PCDHGA10: variants seen among roughly 807,000 people sequenced by gnomAD.
PCDHGA10 encodes the protein protocadherin gamma subfamily A, 10.
A neutral mutation model predicts 59.5 loss-of-function variants in PCDHGA10; 42 were observed. That is an observed-to-expected ratio of 0.71 (90% CI 0.55 to 0.91). The LOEUF (loss-of-function observed/expected upper bound fraction) is 0.91, where lower values mean the gene tolerates loss of function less well. PCDHGA10 is among the 40% of genes least tolerant of loss of function. The pLI is 0.00. For missense variants in PCDHGA10, 1,111 were observed against 1,198.2 expected, an observed-to-expected ratio of 0.93 and a Z score of 1.07; for synonymous variants, 511 against 517.2, an observed-to-expected ratio of 0.99 and a Z score of 0.16.
At position 141,413,623 on chromosome 5, in the gene PCDHGA10, G is replaced by A. The variant is rs1454358985; in HGVS notation, c.448G>A (p.Val150Ile). 2 of 1,613,752 alleles carry A rather than the reference G, an allele frequency of 1.2e-6. No individual in the cohort carries two copies. The highest frequency in any genetic ancestry group is 1.3e-5 in the African/African-American group (1 of 74,916). The change falls in exon 1 of 4, where the codon GTC becomes ATC. Residue 150 changes from valine (V) to isoleucine (I), a missense_variant. Coordinates refer to ENST00000398610, the MANE Select transcript of PCDHGA10 (RefSeq NM_018913.3). Reference protein sequence around the residue: ...ENLDVKINENVAAGMRFPLPE... With the variant: ...ENLDVKINENIAAGMRFPLPE... Reference sequence around the variant, plus strand: ...TCTAGACGTAAAAATTAATGAAAATGTCGCTGCGGGAATGCGTTTTCCTCT... The same window carrying A: ...TCTAGACGTAAAAATTAATGAAAATATCGCTGCGGGAATGCGTTTTCCTCT...
Position 141,489,712 on chromosome 5 carries a change from C to T in PCDHGA10, c.2437-5095C>T. On this transcript the variant is annotated intron_variant, in intron 1 of 3. Coordinates refer to ENST00000398610, the MANE Select transcript of PCDHGA10 (RefSeq NM_018913.3). The surrounding 1 kb of genome is among the most constrained non-coding windows in gnomAD (Gnocchi z 4.5). The stretch of plus-strand genomic sequence containing the variant: ...GGCACGATTCCCACTGGACAGTGCC[C>T]AGGATCCGGATGTGGGCACCAATAC... The T allele has an allele frequency of 6.2e-7, 1 of 1,614,162 alleles. No individual in the cohort carries two copies. The highest frequency in any genetic ancestry group is 1.1e-5 in the South Asian group (1 of 91,078).
At chr5:141,469,044 A>C (rs1247890388) in intron 1 of PCDHGA10, among the ~76,000 whole-genome samples, 1 of 152,128 alleles carries the variant, frequency 6.6e-6, no homozygotes, top group East Asian at 1.9e-4. Context: ...TGGGAGGCCA[A>C]GGTGGGAGGA....
chr5:141,501,013 C>A (rs1456343329), intron 2 of PCDHGA10, among the ~76,000 whole-genome samples: 6 of 151,970 alleles, frequency 3.9e-5, no homozygotes, highest in Non-Finnish European at 8.8e-5. Flanking sequence ...GGACTACAGG[C>A]ACGCGCCACC....
chr5:141,447,966 A>C (rs2098556806), intron 1 of PCDHGA10, among the ~76,000 whole-genome samples: 1 of 151,922 alleles, frequency 6.6e-6, no homozygotes, highest in Non-Finnish European at 1.5e-5. Context: ...GACACCTATA[A>C]TCCCAGCTAC....
rs941528168 is a variant in PCDHGA10, at chr5:141,476,433, T to C, written c.2437-18374T>C. 2 of 1,614,094 alleles carry C rather than the reference T, an allele frequency of 1.2e-6. No individual in the cohort carries two copies. The highest frequency in any genetic ancestry group is 2.2e-5 in the East Asian group (1 of 44,856). ...TGTGGGACACTGCCCTCTTGCACTGTAACTCTGGAGTTGGTAGTGGAGAAC... is the reference window on the plus strand; with the variant it reads ...TGTGGGACACTGCCCTCTTGCACTGCAACTCTGGAGTTGGTAGTGGAGAAC... On this transcript the variant is annotated intron_variant, in intron 1 of 3. Coordinates refer to ENST00000398610, the MANE Select transcript of PCDHGA10 (RefSeq NM_018913.3). This position sits in a 1 kb window ranked among gnomAD's most constrained non-coding sequence, Gnocchi z 7.6.
At position 141,432,181 on chromosome 5, in the gene PCDHGA10, G is replaced by A. The variant is rs1443322706; in HGVS notation, c.2436+16570G>A. 3.7e-6 allele frequency: 6 copies of A among 1,614,116 alleles called. No homozygotes were observed. In the South Asian group the frequency reaches 6.6e-5, roughly 18 times the overall value. On this transcript the variant is annotated intron_variant, in intron 1 of 3. Coordinates refer to ENST00000398610, the MANE Select transcript of PCDHGA10 (RefSeq NM_018913.3). This position sits in a 1 kb window ranked among gnomAD's most constrained non-coding sequence, Gnocchi z 6.0. ...CCAGAGGAGTTTCCCTCGTCTCTGTGACCGCCCACGACCCCGACTGTGAAG... is the reference window on the plus strand; with the variant it reads ...CCAGAGGAGTTTCCCTCGTCTCTGTAACCGCCCACGACCCCGACTGTGAAG...
Position 141,493,858 on chromosome 5 carries a change from C to A in PCDHGA10, c.2437-949C>A, listed in dbSNP as rs2099750481. Among the ~76,000 whole-genome samples, 1 of 152,184 alleles carries A rather than the reference C, an allele frequency of 6.6e-6. No homozygotes were observed. The highest frequency in any genetic ancestry group is 1.5e-5 in the Non-Finnish European group (1 of 68,030). On this transcript the variant is annotated intron_variant, in intron 1 of 3. Transcript: ENST00000398610. The surrounding 1 kb of genome is among the most constrained non-coding windows in gnomAD (Gnocchi z 4.3). ...AGTATGAGTATTAATTACCAGCCCA[C>A]CCCAGAACCAGTGAGGAGGTGGCTC...
At chr5:141,503,743 G>C (rs1465272424) in intron 2 of PCDHGA10, among the ~76,000 whole-genome samples, 1 of 152,126 alleles carries the variant, frequency 6.6e-6, no homozygotes, top group Non-Finnish European at 1.5e-5. Context: ...TGATGGTATA[G>C]AGGTCACACA....
intron 1 of PCDHGA10, among the ~76,000 whole-genome samples, chr5:141,492,329 C>T (rs2099739386): frequency 1.3e-5 from 2 of 152,232 alleles, no homozygotes; most frequent in African/African-American, 4.8e-5. Context: ...CGTGGGCTTA[C>T]GCGAATACCA....
At chr5:141,481,647 A>C (rs749515062) in intron 1 of PCDHGA10, among the ~76,000 whole-genome samples, 28 of 151,830 alleles carry the variant, frequency 1.8e-4, no homozygotes, top group African/African-American at 6.5e-4. Context: ...GTGAAACTTC[A>C]TCTCTACTAA....
chr5:141,442,675 G>A (rs1381554808), intron 1 of PCDHGA10, among the ~76,000 whole-genome samples: 1 of 152,248 alleles, frequency 6.6e-6, no homozygotes, highest in Admixed American at 6.5e-5. Context: ...GTGAGCTTGA[G>A]GGACAGTAGT....
Position 141,489,242 on chromosome 5 carries a change from T to C in PCDHGA10, c.2437-5565T>C. ...TCTCCACAAAGGGACTTCTGGGTCA[T>C]GGGGCCCAAGACACTCCCACAGCTC... On this transcript the variant is annotated intron_variant, in intron 1 of 3. Transcript: ENST00000398610. This position sits in a 1 kb window ranked among gnomAD's most constrained non-coding sequence, Gnocchi z 4.5. 6.5e-7 allele frequency: 1 copy of C among 1,534,502 alleles called. No individual in the cohort carries two copies. The highest frequency in any genetic ancestry group is 8.8e-7 in the Non-Finnish European group (1 of 1,141,994).
Position 141,432,044 on chromosome 5 carries a change from A to T in PCDHGA10, c.2436+16433A>T. 6.2e-7 allele frequency: 1 copy of T among 1,613,886 alleles called. No individual in the cohort carries two copies. Among genetic ancestry groups the T allele is most frequent in the Non-Finnish European group, 8.5e-7 (1 of 1,179,922 alleles). ...CACAGTGACCGCCACTGACCGGGGA[A>T]CCCCGCCCCTATCCACGGAAACTCA... On this transcript the variant is annotated intron_variant, in intron 1 of 3. Coordinates refer to ENST00000398610, the MANE Select transcript of PCDHGA10 (RefSeq NM_018913.3). This position sits in a 1 kb window ranked among gnomAD's most constrained non-coding sequence, Gnocchi z 6.0.
Position 141,432,390 on chromosome 5 carries a change from G to A in PCDHGA10, c.2436+16779G>A. The A allele has an allele frequency of 6.2e-7, 1 of 1,614,256 alleles. No homozygotes were observed. The highest frequency in any genetic ancestry group is 8.5e-7 in the Non-Finnish European group (1 of 1,180,046). On this transcript the variant is annotated intron_variant, in intron 1 of 3. Transcript: ENST00000398610. This position sits in a 1 kb window ranked among gnomAD's most constrained non-coding sequence, Gnocchi z 6.0. ...GACAACGGGCACCCGCCCCTCAGCA[G>A]CAACGTGTCGTTGAGCCTGTTCGTG... is the stretch of plus-strand genomic sequence containing the variant.
At chr5:141,446,390 G>A (rs2098500089) in intron 1 of PCDHGA10, among the ~76,000 whole-genome samples, 1 of 152,284 alleles carries the variant, frequency 6.6e-6, no homozygotes, top group African/African-American at 2.4e-5. Context: ...ATAGATTTAA[G>A]AGAAATCGAG....
At chr5:141,418,409 G>T in intron 1 of PCDHGA10, 1 of 1,613,910 alleles carries the variant, frequency 6.2e-7, no homozygotes, top group Non-Finnish European at 8.5e-7. Flanking sequence ...GGTGGAGAAA[G>T]ACAATCCTGA....
chr5:141,496,440 A>G (rs2099768848), intron 2 of PCDHGA10, among the ~76,000 whole-genome samples: 1 of 152,158 alleles, frequency 6.6e-6, no homozygotes, highest in South Asian at 2.1e-4. Flanking sequence ...AAGTTGCTAC[A>G]GATGCTGAGC....
At chr5:141,505,298 T>TA in intron 2 of PCDHGA10, 95 bp from the exon 3 acceptor site, 1 of 1,586,334 alleles carries the variant, frequency 6.3e-7, no homozygotes, top group Non-Finnish European at 8.6e-7. Context: ...GGGGTAGGGT[T>TA]AGGGTACTAG....
chr5:141,485,888 G>T lies in PCDHGA10; in HGVS notation c.2437-8919G>T, dbSNP rs1166795987. 3 of 1,614,028 alleles carry T rather than the reference G, an allele frequency of 1.9e-6. No homozygotes were observed. The highest frequency in any genetic ancestry group is 2.5e-6 in the Non-Finnish European group (3 of 1,180,032). ...ATCCGTGCTGGACGTAAACGACAAC[G>T]CCCCAGCCTTCCAGCAATCCAGCTA... On this transcript the variant is annotated intron_variant, in intron 1 of 3. Coordinates refer to ENST00000398610, the MANE Select transcript of PCDHGA10 (RefSeq NM_018913.3). The surrounding 1 kb of genome is among the most constrained non-coding windows in gnomAD (Gnocchi z 5.7).
Sources: allele counts gnomAD v4.1 joint callset (sites outside exome capture counted in the v4.1 genomes callset), GRCh38; gene constraint gnomAD v4.1.1; non-coding constraint Gnocchi (gnomAD v3.1); transcripts MANE v1.5; gene names NCBI Gene and HGNC (gene_info 2026-07-23, HGNC 2026-07-21).